Variants in PLPP7 observed in about 807,000 individuals in gnomAD.
PLPP7 encodes inactive phospholipid phosphatase 7.
Under a neutral mutation model 16.9 loss-of-function variants are expected in PLPP7, and 11 were observed. The observed-to-expected ratio is 0.65, with a 90% CI of 0.41 to 1.08. The LOEUF (loss-of-function observed/expected upper bound fraction) is 1.08, where lower values mean the gene tolerates loss of function less well. Among genes scored for constraint, PLPP7 ranks in the 50% least tolerant of loss-of-function variants. The probability of loss-of-function intolerance (pLI) is 0.00; values close to 1 mark genes in which losing one functional copy is unlikely to be tolerated. For synonymous variants in PLPP7, 174 were observed against 175.1 expected, an observed-to-expected ratio of 0.99 and a Z score of 0.05; for missense variants, 358 against 397.1, an observed-to-expected ratio of 0.90 and a Z score of 0.84.
intron 1 of PLPP7, among the ~76,000 whole-genome samples, chr9:131,300,689 G>GAAAA (rs1165239833): frequency 2.2e-4 from 9 of 40,370 alleles, no homozygotes; most frequent in Non-Finnish European, 3.5e-4. Context: ...CTCAAAAGCA[G>GAAAA]AAAAAAAAAA....
intron 1 of PLPP7, among the ~76,000 whole-genome samples, chr9:131,304,318 G>A (rs1277307958): frequency 6.6e-6 from 1 of 152,202 alleles, no homozygotes; most frequent in Admixed American, 6.5e-5. Context: ...GGAGATCCAG[G>A]TCTCCCCTGT....
At chr9:131,293,643 C>T (rs1835706137) in intron 1 of PLPP7, among the ~76,000 whole-genome samples, 2 of 152,208 alleles carry the variant, frequency 1.3e-5, no homozygotes, top group Admixed American at 1.3e-4. Context: ...CCCTGGAGCA[C>T]AGGCTCTGGG....
In PLPP7 at chr9:131,308,098, G is replaced by A. The variant is rs754995353; in HGVS notation, c.627G>A (p.Val209=). 6.2e-7 allele frequency: 1 copy of A among 1,601,382 alleles called. No individual in the cohort carries two copies. Among genetic ancestry groups the A allele is most frequent in the Non-Finnish European group, 8.5e-7 (1 of 1,179,798 alleles). The change falls in exon 2 of 2, where the codon GTG becomes GTA. Residue 209 remains valine, a synonymous_variant. Transcript: ENST00000372264. ...MVSKFFLSHL[V]LAVPLRVLLV... is the part of the protein sequence containing the mutation. ...CCAAGTTCTTCCTCAGCCACCTGGT[G>A]CTGGCGGTGCCCCTGCGTGTGCTGC...
chr9:131,300,253 G>A (rs530602015), intron 1 of PLPP7, among the ~76,000 whole-genome samples: 11 of 152,302 alleles, frequency 7.2e-5, no homozygotes, highest in Admixed American at 2.0e-4. Context: ...CCTGGTACCT[G>A]CATTCATCCA....
In PLPP7 at chr9:131,289,986, A is replaced by T; in HGVS notation, c.-12A>T. 7.0e-7 allele frequency: 1 copy of T among 1,428,626 alleles called. No homozygotes were observed. The highest frequency in any genetic ancestry group is 9.1e-7 in the Non-Finnish European group (1 of 1,096,114). 88.5% of individuals were successfully genotyped at this position (1,428,626 alleles called of 1,614,324 possible). On this transcript the variant is annotated 5_prime_UTR_variant, in exon 1 of 2. Coordinates refer to ENST00000372264, the MANE Select transcript of PLPP7 (RefSeq NM_032728.4). ...GGCTGGCATCGGCCTTCTCGGGGTG[A>T]GCGAGGTCACCATGCCAGCTTCCCA...
chr9:131,296,800 C>G (rs1391023144), intron 1 of PLPP7, among the ~76,000 whole-genome samples: 1 of 152,214 alleles, frequency 6.6e-6, no homozygotes, highest in Non-Finnish European at 1.5e-5. Flanking sequence ...CTCCATGTCC[C>G]TCGCACCAGC....
chr9:131,290,271 ATGT>A lies in PLPP7; in HGVS notation c.275_277del (p.Met92_Ser93delinsThr). ...CTCCCTGCTGGCCATCGATATCTGTATGTCCAAGCGGCTGGGGGTGTGCGCTGG... is the reference window on the plus strand; with the variant it reads ...CTCCCTGCTGGCCATCGATATCTGTACCAAGCGGCTGGGGGTGTGCGCTGG... On this transcript the variant is annotated inframe_deletion, in exon 1 of 2. Coordinates refer to ENST00000372264, the MANE Select transcript of PLPP7 (RefSeq NM_032728.4). This position sits in a 1 kb window ranked among gnomAD's most constrained non-coding sequence, Gnocchi z 4.2. The A allele has an allele frequency of 6.2e-7, 1 of 1,612,458 alleles. No individual in the cohort carries two copies. The highest frequency in any genetic ancestry group is 2.2e-5 in the East Asian group (1 of 44,842).
intron 1 of PLPP7, chr9:131,292,996 T>G: frequency 1.0e-6 from 1 of 976,640 alleles, no homozygotes; most frequent in Non-Finnish European, 1.2e-6. Context: ...AAACATCATG[T>G]ATTGAGCTTT....
intron 1 of PLPP7, among the ~76,000 whole-genome samples, chr9:131,307,332 A>G (rs1564249518): frequency 6.6e-6 from 1 of 151,422 alleles, no homozygotes; most frequent in Non-Finnish European, 1.5e-5. Flanking sequence ...CGGGTGGATC[A>G]CCTGAGGTCA....
At chr9:131,298,290 T>C (rs1475453888) in intron 1 of PLPP7, among the ~76,000 whole-genome samples, 1 of 152,144 alleles carries the variant, frequency 6.6e-6, no homozygotes, top group African/African-American at 2.4e-5. Flanking sequence ...AGTATATGGC[T>C]GGCTCCCAAC....
chr9:131,305,395 AT>A (rs869164273), intron 1 of PLPP7, among the ~76,000 whole-genome samples: 3 of 88,252 alleles, frequency 3.4e-5, no homozygotes, highest in South Asian at 3.7e-4. Context: ...TAAAAAAAAA[AT>A]TTTTTTTTAA....
Position 131,290,402 on chromosome 9 carries a change from G to C in PLPP7, c.405G>C (p.Lys135Asn). 6.3e-7 allele frequency: 1 copy of C among 1,585,296 alleles called. No homozygotes were observed. The highest frequency in any genetic ancestry group is 1.3e-5 in the African/African-American group (1 of 74,586). ...WIGGTILCLV[K>N]SSTLAGQEVL... The stretch of plus-strand genomic sequence containing the variant: ...GAGGCACCATCCTCTGCCTGGTGAA[G>C]AGCAGCACACTGGCCGGCCAGGAGG... The change falls in exon 1 of 2, where the codon AAG (lysine) becomes AAC (asparagine). Residue 135 changes from lysine to asparagine, a missense_variant. Transcript: ENST00000372264. This position sits in a 1 kb window ranked among gnomAD's most constrained non-coding sequence, Gnocchi z 4.2.
At chr9:131,307,247 A>G (rs1835863544) in intron 1 of PLPP7, among the ~76,000 whole-genome samples, 1 of 143,378 alleles carries the variant, frequency 7.0e-6, no homozygotes, top group African/African-American at 2.5e-5. Flanking sequence ...CCCTGTATCA[A>G]AAAAAAAAAA....
intron 1 of PLPP7, among the ~76,000 whole-genome samples, chr9:131,297,932 T>C (rs1235079683): frequency 6.6e-6 from 1 of 152,206 alleles, no homozygotes; most frequent in Non-Finnish European, 1.5e-5. Context: ...ATAAGTGGCC[T>C]TTTCCACTTA....
chr9:131,289,908 G>A lies in PLPP7; in HGVS notation c.-90G>A, dbSNP rs1277732535. ...GCGGAGAAGGCAGGGAGGCAGCCAC[G>A]GTGGCGGCTCTGGGGGCAGCTCTTG... is the stretch of plus-strand genomic sequence containing the variant. On this transcript the variant is annotated 5_prime_UTR_variant, in exon 1 of 2. Coordinates refer to ENST00000372264, the MANE Select transcript of PLPP7 (RefSeq NM_032728.4). The A allele has an allele frequency of 9.0e-6, 10 of 1,106,866 alleles. No homozygotes were observed. Among genetic ancestry groups the A allele is most frequent in the South Asian group, 2.6e-5 (1 of 38,782 alleles). 68.6% of individuals were successfully genotyped at this position (1,106,866 alleles called of 1,614,324 possible).
intron 1 of PLPP7, among the ~76,000 whole-genome samples, chr9:131,306,690 G>A (rs917423203): frequency 2.6e-5 from 4 of 152,220 alleles, no homozygotes; most frequent in Admixed American, 1.3e-4. Flanking sequence ...GCCACATGCT[G>A]TCTGATTCCA....
chr9:131,300,346 C>T (rs2991196), intron 1 of PLPP7, among the ~76,000 whole-genome samples: 101,099 of 151,814 alleles, frequency 0.67, 34,653 homozygotes, highest in Middle Eastern at 0.78. Context: ...TTTCCTACAC[C>T]GAGTCTGTAT....
At chr9:131,305,679 G>C (rs996073000) in intron 1 of PLPP7, among the ~76,000 whole-genome samples, 1 of 152,104 alleles carries the variant, frequency 6.6e-6, no homozygotes, top group African/African-American at 2.4e-5. Flanking sequence ...TTTTTTTGTA[G>C]AGATGGGGTT....
At chr9:131,307,841 G>A in intron 1 of PLPP7, 82 bp from the exon 2 acceptor site, 3 of 1,376,826 alleles carry the variant, frequency 2.2e-6, no homozygotes, top group Non-Finnish European at 2.9e-6. Context: ...GAAAGGGGAG[G>A]CGAGGTGGAA....
Sources: gnomAD v4.1 joint callset for allele counts (sites outside exome capture counted in the v4.1 genomes callset) on GRCh38, gnomAD v4.1.1 for gene constraint, Gnocchi (gnomAD v3.1) non-coding constraint, MANE v1.5 for transcripts, NCBI Gene and HGNC (gene_info 2026-07-23, HGNC 2026-07-21) for gene names.